Variants in EGFR observed in about 807,000 individuals in gnomAD.
The protein encoded by EGFR is avian erythroblastic leukemia viral (v-erb-b) oncogene homolog.
Under a neutral mutation model 143.0 loss-of-function variants are expected in EGFR, and 58 were observed. The ratio of observed to expected loss-of-function variants is 0.41; its 90% confidence interval spans 0.33 to 0.50. EGFR has a LOEUF of 0.50. EGFR is among the 20% of genes least tolerant of loss of function. The pLI is 0.39. For missense variants in EGFR, 1,307 were observed against 1,579.0 expected, an observed-to-expected ratio of 0.83 and a Z score of 2.92; for synonymous variants, 613 against 594.4, an observed-to-expected ratio of 1.03 and a Z score of -0.45.
intron 1 of EGFR, among the ~76,000 whole-genome samples, chr7:55,140,317 T>G (rs969208996): frequency 9.2e-5 from 14 of 152,144 alleles, no homozygotes; most frequent in Admixed American, 7.9e-4. Context: ...GAAACTCTTC[T>G]GCAACGTGTT....
intron 1 of EGFR, among the ~76,000 whole-genome samples, chr7:55,061,649 T>TGTGAGAGA (rs1432070752): frequency 0.037 from 4,958 of 132,492 alleles, 116 homozygotes; most frequent in African/African-American, 0.05. Context: ...TGTGTGTGTG[T>TGTGAGAGA]GAGAGAGAGA....
intron 1 of EGFR, among the ~76,000 whole-genome samples, chr7:55,137,094 G>C (rs191698575): frequency 9.8e-4 from 149 of 152,328 alleles, no homozygotes; most frequent in Non-Finnish European, 1.9e-3. Flanking sequence ...GCAGGATAAT[G>C]TGACAGATGT....
intron 15 of EGFR, among the ~76,000 whole-genome samples, chr7:55,166,092 A>C (rs972242361): frequency 1.3e-5 from 2 of 152,102 alleles, no homozygotes; most frequent in African/African-American, 4.8e-5. Context: ...CAGAGGTTGC[A>C]GTGAGCCAAG....
Position 55,198,778 on chromosome 7 carries a change from C to A in EGFR, c.2763C>A (p.Ser921Arg), listed in dbSNP as rs770529788. ...GSKPYDGIPA[S>R]EISSILEKGE... is the part of the protein sequence containing the mutation. ...AGCCATATGACGGAATCCCTGCCAG[C>A]GAGATCTCCTCCATCCTGGAGAAAG... is the stretch of plus-strand genomic sequence containing the variant. The change falls in exon 23 of 28, where the codon AGC (serine) becomes AGA (arginine). Residue 921 changes from serine to arginine, a missense_variant. Ser to Arg is a moderately radical substitution (Grantham distance 110). This residue lies in a region of EGFR where 348 missense variants were observed against 451.5 expected (regional missense o/e 0.77). Coordinates refer to ENST00000275493, the MANE Select transcript of EGFR (RefSeq NM_005228.5). The A allele has an allele frequency of 6.2e-7, 1 of 1,614,068 alleles. No individual in the cohort carries two copies.
intron 20 of EGFR, among the ~76,000 whole-genome samples, chr7:55,185,449 C>T (rs377124651): frequency 7.2e-5 from 11 of 152,216 alleles, no homozygotes; most frequent in African/African-American, 1.7e-4. Context: ...ATAAATCACA[C>T]GGCACAGTCA....
chr7:55,077,234 G>A (rs1303090567), intron 1 of EGFR, among the ~76,000 whole-genome samples: 2 of 152,058 alleles, frequency 1.3e-5, no homozygotes, highest in Non-Finnish European at 2.9e-5. Flanking sequence ...TTCTTTGCTG[G>A]GTGTGGTATT....
intron 1 of EGFR, among the ~76,000 whole-genome samples, chr7:55,071,514 G>A (rs1789827679): frequency 6.6e-6 from 1 of 152,196 alleles, no homozygotes; most frequent in Admixed American, 6.5e-5. Context: ...GACCAGACCA[G>A]CACCCACCTC....
chr7:55,027,987 A>ATATATATAT (rs1158500265), intron 1 of EGFR, among the ~76,000 whole-genome samples: 1 of 79,132 alleles, frequency 1.3e-5, no homozygotes, highest in Non-Finnish European at 2.4e-5. Context: ...AAAAAAAAAA[A>ATATATATAT]AAAAATATAT....
intron 20 of EGFR, chr7:55,181,854 C>T (rs959629009): frequency 1.4e-4 from 46 of 337,288 alleles, no homozygotes; most frequent in African/African-American, 9.2e-4. Flanking sequence ...CAAGCCAGGC[C>T]AAGGCCAGGA....
chr7:55,153,867 G>T, intron 6 of EGFR, 144 bp from the exon 7 acceptor site: 1 of 1,316,024 alleles, frequency 7.6e-7, no homozygotes, highest in Non-Finnish European at 1.1e-6. Context: ...CGCCAGCTGG[G>T]TTTTCCCACA....
chr7:55,123,250 G>A (rs1793318241), intron 1 of EGFR, among the ~76,000 whole-genome samples: 1 of 152,218 alleles, frequency 6.6e-6, no homozygotes, highest in Non-Finnish European at 1.5e-5. Flanking sequence ...GTACGTTTCA[G>A]ATTAACTCAA....
chr7:55,035,232 G>A (rs10229098), intron 1 of EGFR, among the ~76,000 whole-genome samples: 21 of 152,156 alleles, frequency 1.4e-4, no homozygotes, highest in African/African-American at 4.8e-4. Flanking sequence ...ACATTCCCTA[G>A]GTAATGTTTT....
At chr7:55,106,973 G>A (rs986800774) in intron 1 of EGFR, among the ~76,000 whole-genome samples, 7 of 152,132 alleles carry the variant, frequency 4.6e-5, no homozygotes, top group Non-Finnish European at 1.0e-4. Context: ...TATGTAAGTA[G>A]AAACATATAT....
intron 20 of EGFR, among the ~76,000 whole-genome samples, chr7:55,191,203 A>C (rs1437414034): frequency 6.6e-6 from 1 of 152,200 alleles, no homozygotes; most frequent in Non-Finnish European, 1.5e-5. Context: ...AGTAATAATA[A>C]TAATAATAAA....
In EGFR at chr7:55,110,718, C is replaced by T. The variant is rs566188997; in HGVS notation, c.89-31568C>T. Among the ~76,000 whole-genome samples, 11 of 152,280 alleles carry T rather than the reference C, an allele frequency of 7.2e-5. No individual in the cohort carries two copies. In the South Asian group the frequency reaches 1.0e-3, roughly 14 times the overall value. ...TCCGGAAGTAGAATTTCAAATATTG[C>T]TTTTCATGCTTTATTTGGGACCGAT... On this transcript the variant is annotated intron_variant, in intron 1 of 27. Transcript: ENST00000275493.
intron 1 of EGFR, among the ~76,000 whole-genome samples, chr7:55,105,872 A>C (rs1792095839): frequency 6.6e-6 from 1 of 152,238 alleles, no homozygotes; most frequent in African/African-American, 2.4e-5. Context: ...TTTAAGACAA[A>C]TGTTCTATTT....
chr7:55,150,254 C>T (rs1427847231), intron 4 of EGFR, among the ~76,000 whole-genome samples: 29 of 152,240 alleles, frequency 1.9e-4, no homozygotes, highest in Admixed American at 1.9e-3. Flanking sequence ...GATCTAGCTG[C>T]TTTTAGCACG....
Position 55,112,319 on chromosome 7 carries a change from G to A in EGFR, c.89-29967G>A, listed in dbSNP as rs185636952. ...AGCATTTCAAATTCCAGAAGTTCAT[G>A]CCCTGCATGGTGGGTGAAAAGTCTC... is the stretch of plus-strand genomic sequence containing the variant. On this transcript the variant is annotated intron_variant, in intron 1 of 27. Coordinates refer to ENST00000275493, the MANE Select transcript of EGFR (RefSeq NM_005228.5). Among the ~76,000 whole-genome samples, 9 of 152,358 alleles carry A rather than the reference G, an allele frequency of 5.9e-5. No homozygotes were observed. In the East Asian group the frequency reaches 1.7e-3, roughly 29 times the overall value.
chr7:55,129,189 A>G (rs1244722110), intron 1 of EGFR, among the ~76,000 whole-genome samples: 1 of 152,244 alleles, frequency 6.6e-6, no homozygotes, highest in Non-Finnish European at 1.5e-5. Flanking sequence ...TGGGGACTAC[A>G]GAAGCCAAGA....
Sources: gnomAD v4.1 joint callset for allele counts (sites outside exome capture counted in the v4.1 genomes callset) on GRCh38, gnomAD v4.1.1 for gene constraint, gnomAD v4.1.1 regional missense constraint, MANE v1.5 for transcripts, NCBI Gene and HGNC (gene_info 2026-07-23, HGNC 2026-07-21) for gene names.